The following SEC24A variants were observed in gnomAD, a reference collection of about 807,000 sequenced individuals.
The protein encoded by SEC24A is SEC24 homolog A, COPII component.
A neutral mutation model predicts 129.4 loss-of-function variants in SEC24A; 93 were observed. The ratio of observed to expected loss-of-function variants is 0.72; its 90% CI spans 0.61 to 0.85. SEC24A has a LOEUF of 0.85. Among genes scored for constraint, SEC24A ranks in the 40% least tolerant of loss-of-function variants. The pLI, the probability that SEC24A is intolerant of heterozygous loss-of-function variation, is 0.00. For synonymous variants in SEC24A, 460 were observed against 467.3 expected (o/e 0.98, Z 0.20); for missense variants, 1,264 against 1,307.4 (o/e 0.97, Z 0.51).
intron 18 of SEC24A, among the ~76,000 whole-genome samples, chr5:134,709,378 T>C (rs1752256349): frequency 6.6e-6 from 1 of 152,144 alleles, no homozygotes; most frequent in South Asian, 2.1e-4. Flanking sequence ...CCAAAGAAAC[T>C]TAGAGAAAAC....
At chr5:134,680,637 AGTTTGTTTTTGTTT>A (rs1751233966) in intron 8 of SEC24A, among the ~76,000 whole-genome samples, 1 of 151,522 alleles carries the variant, frequency 6.6e-6, no homozygotes, top group Admixed American at 6.6e-5. Context: ...CCCGGCCAAG[AGTTTGTTTTTGTTT>A]GTTTGTTTTT....
intron 11 of SEC24A, among the ~76,000 whole-genome samples, chr5:134,689,894 G>A (rs184261815): frequency 4.0e-5 from 6 of 150,942 alleles, no homozygotes; most frequent in East Asian, 3.9e-4. Context: ...GACACAAACC[G>A]ACAAATATTG....
chr5:134,682,529 G>C (rs1286168028), intron 9 of SEC24A, 47 bp downstream of exon 9: 6 of 960,812 alleles, frequency 6.2e-6, no homozygotes, highest in Non-Finnish European at 9.9e-6. Flanking sequence ...TTATTACCAG[G>C]TTTTAAGTAA....
At chr5:134,675,828 G>C (rs951403071) in intron 6 of SEC24A, among the ~76,000 whole-genome samples, 195 bp from the exon 7 acceptor site, 10 of 152,060 alleles carry the variant, frequency 6.6e-5, no homozygotes, top group African/African-American at 2.4e-4. Flanking sequence ...TTTAGTTATA[G>C]GATAACCATC....
rs761672944 is a variant in SEC24A at position 134,693,773 on chromosome 5, C to T, written c.1826C>T (p.Thr609Ile). 6.2e-7 allele frequency: 1 copy of T among 1,614,168 alleles called. No homozygotes were observed. ...ACTTTGCCACAAATGTTTACCAAGA[C>T]TCTGGAGACCCAGAGTGCCTTGGGT... ...LKTLPQMFTK[T>I]LETQSALGPA... The change falls in exon 13 of 23, where the codon ACT becomes ATT. Residue 609 changes from threonine to isoleucine, a missense_variant. Transcript: ENST00000398844.
At position 134,679,670 on chromosome 5, in the gene SEC24A, C is replaced by T. The variant is rs370250039; in HGVS notation, c.1323C>T (p.Phe441=). 45 of 1,598,374 alleles carry T rather than the reference C, an allele frequency of 2.8e-5. No individual in the cohort carries two copies. The East Asian group carries it at 4.3e-4, about 15-fold the overall frequency. The change falls in exon 8 of 23, where the codon TTC becomes TTT. Residue 441 remains phenylalanine (F), a synonymous_variant. Coordinates refer to ENST00000398844, the MANE Select transcript of SEC24A (RefSeq NM_021982.3). ...CATGCAGGACGTACATCAATCCTTT[C>T]GTCAGCTTTCTTGATCAAAGGAGAT... ...CRSCRTYINP[F]VSFLDQRRWK...
chr5:134,652,337 G>A (rs1016248449), intron 1 of SEC24A, among the ~76,000 whole-genome samples: 3 of 151,978 alleles, frequency 2.0e-5, no homozygotes, highest in Non-Finnish European at 2.9e-5. Context: ...TGCCCAGGCT[G>A]GAGTGCAGTG....
At chr5:134,711,250 G>A (rs993815461) in intron 18 of SEC24A, among the ~76,000 whole-genome samples, 1 of 151,822 alleles carries the variant, frequency 6.6e-6, no homozygotes, top group African/African-American at 2.4e-5. Context: ...ATTGCTTAAA[G>A]CTAGGGGTTT....
intron 15 of SEC24A, 68 bp from the exon 16 acceptor site, chr5:134,703,691 C>G (rs1752069204): frequency 1.9e-6 from 2 of 1,048,374 alleles, no homozygotes; most frequent in South Asian, 1.4e-5. Context: ...TGATAAGTAA[C>G]TAGGATAAAA....
intron 1 of SEC24A, among the ~76,000 whole-genome samples, chr5:134,660,058 ATTAGC>A (rs1393247130): frequency 3.3e-5 from 5 of 151,974 alleles, no homozygotes; most frequent in Non-Finnish European, 7.4e-5. Flanking sequence ...TCTTTAGCGT[ATTAGC>A]TTGTGATAAG....
chr5:134,656,221 C>T (rs1297550434), intron 1 of SEC24A, among the ~76,000 whole-genome samples: 1 of 150,984 alleles, frequency 6.6e-6, no homozygotes, highest in African/African-American at 2.4e-5. Flanking sequence ...TAGCTGGGAC[C>T]ACCGGCATGT....
intron 1 of SEC24A, among the ~76,000 whole-genome samples, chr5:134,654,278 T>C (rs1750165695): frequency 6.6e-6 from 1 of 151,982 alleles, no homozygotes; most frequent in South Asian, 2.1e-4. Context: ...TGGAGTGCAG[T>C]GGTGCAGATC....
At chr5:134,655,925 C>G (rs1750228462) in intron 1 of SEC24A, among the ~76,000 whole-genome samples, 2 of 151,694 alleles carry the variant, frequency 1.3e-5, no homozygotes, top group African/African-American at 2.4e-5. Context: ...CTCTCTCCTC[C>G]TTAAATATTG....
intron 15 of SEC24A, 99 bp downstream of exon 15, chr5:134,698,156 A>G: frequency 1.0e-6 from 1 of 996,996 alleles, no homozygotes; most frequent in South Asian, 1.6e-5. Flanking sequence ...CTTCTGAGAT[A>G]CTTTGCCTAC....
In SEC24A at chr5:134,726,725, CCT is replaced by C. The variant is rs2150117315; in HGVS notation, c.*1634_*1635del. ...CAAATTGTAGCGAATTATATTATCC[CCT>C]CTTTTAAAGAAACAGTCGTTATATG... On this transcript the variant is annotated 3_prime_UTR_variant, in exon 23 of 23. Transcript: ENST00000398844. The C allele has an allele frequency of 6.6e-6, 1 of 152,194 alleles. No homozygotes were observed. The highest frequency in any genetic ancestry group is 2.1e-4 in the South Asian group (1 of 4,830). 9.4% of individuals were successfully genotyped at this position (152,194 alleles called of 1,614,324 possible).
intron 16 of SEC24A, 51 bp from the exon 17 acceptor site, chr5:134,705,276 T>C (rs758918251): frequency 7.2e-7 from 1 of 1,396,866 alleles, no homozygotes; most frequent in South Asian, 1.2e-5. Context: ...TAACATAATC[T>C]TTTGTTTTAT....
chr5:134,681,459 T>G (rs1166877238), intron 8 of SEC24A, among the ~76,000 whole-genome samples: 3 of 151,834 alleles, frequency 2.0e-5, no homozygotes, highest in Non-Finnish European at 4.4e-5. Context: ...TGTGTGTGTG[T>G]GTGTGTGTGT....
At chr5:134,711,480 G>C (rs1456156970) in intron 18 of SEC24A, among the ~76,000 whole-genome samples, 4 of 151,298 alleles carry the variant, frequency 2.6e-5, no homozygotes, top group African/African-American at 9.7e-5. Context: ...CTGGGAGTTT[G>C]AGACCAGCCT....
At chr5:134,660,223 C>T (rs562402426) in intron 1 of SEC24A, among the ~76,000 whole-genome samples, 22 of 151,320 alleles carry the variant, frequency 1.5e-4, no homozygotes, top group South Asian at 2.1e-4. Context: ...AAAATTAGGC[C>T]GGCGTGGTGG....
Sources: allele counts gnomAD v4.1 joint callset (sites outside exome capture counted in the v4.1 genomes callset), GRCh38; gene constraint gnomAD v4.1.1; transcripts MANE v1.5; gene names NCBI Gene and HGNC (gene_info 2026-07-23, HGNC 2026-07-21).